BAZ1A: variants seen among roughly 807,000 people sequenced by gnomAD.
The protein encoded by BAZ1A is bromodomain adjacent to zinc finger domain 1A.
BAZ1A carries 50 observed loss-of-function variants against 185.2 expected under a neutral mutation model. The ratio of observed to expected loss-of-function variants is 0.27; its 90% CI spans 0.22 to 0.34. The LOEUF is 0.34. Ranked by LOEUF, BAZ1A falls within the 10% of genes least tolerant of loss-of-function variation. The pLI is 1.00. For missense variants in BAZ1A, 1,356 were observed against 1,839.9 expected (o/e 0.74, Z 4.81); for synonymous variants, 571 against 615.6 (o/e 0.93, Z 1.07).
Position 34,823,647 on chromosome 14 carries a change from G to A in BAZ1A, c.536+2366C>T, listed in dbSNP as rs899576627. On this transcript the variant is annotated intron_variant, in intron 4 of 26. Coordinates refer to ENST00000360310, the MANE Select transcript of BAZ1A (RefSeq NM_013448.3). Reference sequence around the variant, plus strand: ...TTGTACTCCAGCCTGGGCAACAAGAGCGAAACTCCATCTCAAAAAAAAAAT... The same window carrying A: ...TTGTACTCCAGCCTGGGCAACAAGAACGAAACTCCATCTCAAAAAAAAAAT... Among the ~76,000 whole-genome samples the A allele has an allele frequency of 5.9e-5, 9 of 151,930 alleles. No homozygotes were observed. The South Asian group carries it at 1.7e-3, about 28-fold the overall frequency.
chr14:34,832,144 G>A (rs997687468), intron 3 of BAZ1A, among the ~76,000 whole-genome samples: 1 of 148,274 alleles, frequency 6.7e-6, no homozygotes, highest in African/African-American at 2.5e-5. Flanking sequence ...CTCAGAAAAT[G>A]TAAGTATGTA....
intron 9 of BAZ1A, among the ~76,000 whole-genome samples, chr14:34,799,003 G>C (rs1881357767): frequency 6.6e-6 from 1 of 152,038 alleles, no homozygotes; most frequent in South Asian, 2.1e-4. Context: ...ATCAATGATA[G>C]ACTGAATTAA....
chr14:34,768,055 G>T (rs540332133), intron 21 of BAZ1A, among the ~76,000 whole-genome samples: 2 of 152,148 alleles, frequency 1.3e-5, no homozygotes, highest in South Asian at 4.1e-4. Flanking sequence ...CCATTTTTCT[G>T]TTGTTTCCTT....
chr14:34,782,948 A>C (rs1355484104), intron 16 of BAZ1A, among the ~76,000 whole-genome samples, 171 bp downstream of exon 16: 1 of 152,224 alleles, frequency 6.6e-6, no homozygotes. Context: ...GGGGACAGAT[A>C]AATATATTGG....
intron 2 of BAZ1A, among the ~76,000 whole-genome samples, chr14:34,864,911 G>C (rs998456040): frequency 1.2e-4 from 18 of 151,816 alleles, no homozygotes; most frequent in African/African-American, 4.4e-4. Context: ...CAAGTAGCTG[G>C]GACTAAAGGC....
At chr14:34,823,780 T>C (rs1027665228) in intron 4 of BAZ1A, among the ~76,000 whole-genome samples, 1 of 152,180 alleles carries the variant, frequency 6.6e-6, no homozygotes, top group Non-Finnish European at 1.5e-5. Flanking sequence ...TTTTTTTATC[T>C]TGAATTAAAA....
rs1196555293 is a variant in BAZ1A, at chr14:34,776,089, T to C, written c.2663A>G (p.Lys888Arg). The C allele has an allele frequency of 6.2e-7, 1 of 1,614,092 alleles. No homozygotes were observed. The highest frequency in any genetic ancestry group is 1.3e-5 in the African/African-American group (1 of 74,946). ...ACTGTAAAAGCACCACCGATTTGGC[T>C]TATGCACTGGTTTTGGCAGCTGCAC... ...HSVQLPKPVH[K>R]PNRWCFYSSC... Residue 888 changes from lysine (K) to arginine (R), a missense_variant, in exon 18 of 27, where the codon AAG becomes AGG. By Grantham distance (26) the Lys-to-Arg change is conservative. Around this residue, in one of 7 missense-constraint regions of BAZ1A, gnomAD observed 434 missense variants for 561.7 expected, o/e 0.77. Transcript: ENST00000360310.
intron 12 of BAZ1A, among the ~76,000 whole-genome samples, chr14:34,790,067 CTA>C (rs1380391442): frequency 6.6e-6 from 1 of 151,926 alleles, no homozygotes; most frequent in African/African-American, 2.4e-5. Context: ...TCTTCAGTAA[CTA>C]TGTAAAATGT....
At chr14:34,850,541 T>A (rs2042581111) in intron 3 of BAZ1A, among the ~76,000 whole-genome samples, 1 of 152,230 alleles carries the variant, frequency 6.6e-6, no homozygotes, top group Admixed American at 6.5e-5. Context: ...CTGTGGCAGT[T>A]ACTTTCCTAT....
intron 9 of BAZ1A, among the ~76,000 whole-genome samples, chr14:34,799,782 T>G (rs1469530210): frequency 6.6e-6 from 1 of 152,070 alleles, no homozygotes; most frequent in Non-Finnish European, 1.5e-5. Flanking sequence ...CGGCTAAGTT[T>G]TGTATTTTTA....
At chr14:34,758,038 C>T (rs145785787) in intron 25 of BAZ1A, among the ~76,000 whole-genome samples, 2,489 of 149,388 alleles carry the variant, frequency 0.017, 27 homozygotes, top group South Asian at 0.037. Context: ...TGAGCCACAG[C>T]GCCCGGCCAA....
rs572587654 is a variant in BAZ1A, at chr14:34,844,884, G to C, written c.392+17160C>G. Reference sequence around the variant, plus strand: ...TTCATATGGTTAAAACATTTTAAATGGTTCAAAATAAAAATCAGAAGACTA... The same window carrying C: ...TTCATATGGTTAAAACATTTTAAATCGTTCAAAATAAAAATCAGAAGACTA... On this transcript the variant is annotated intron_variant, in intron 3 of 26. Coordinates refer to ENST00000360310, the MANE Select transcript of BAZ1A (RefSeq NM_013448.3). Among the ~76,000 whole-genome samples the C allele has an allele frequency of 5.0e-4, 75 of 151,500 alleles. 1 individual carries two copies. Among genetic ancestry groups the C allele is most frequent in the African/African-American group, 1.7e-3 (71 of 41,256 alleles).
chr14:34,759,706 G>C (rs1886442986), intron 24 of BAZ1A, among the ~76,000 whole-genome samples: 1 of 151,810 alleles, frequency 6.6e-6, no homozygotes, highest in Non-Finnish European at 1.5e-5. Context: ...ACAGAGTCTT[G>C]CTTTGTCACC....
rs752045484 is a variant in BAZ1A at position 34,771,599 on chromosome 14, T to C, written c.3213A>G (p.Gln1071=). The change falls in exon 21 of 27, where the codon CAA becomes CAG. Residue 1071 remains glutamine, a synonymous_variant. Transcript: ENST00000360310. The part of the protein sequence containing the change: ...STVSTNASTP[Q]SVSSVVHYLA... ...GATAATGAACCACACTGCTCACTGA[T>C]TGTGGTGTACTTGCATTTGTTGATA... 8 of 1,613,780 alleles carry C rather than the reference T, an allele frequency of 5.0e-6. No individual in the cohort carries two copies. The highest frequency in any genetic ancestry group is 4.5e-5 in the East Asian group (2 of 44,866).
In BAZ1A at chr14:34,810,942, G is replaced by T. The variant is rs1262244204; in HGVS notation, c.631C>A (p.Gln211Lys). 3 of 1,595,068 alleles carry T rather than the reference G, an allele frequency of 1.9e-6. No homozygotes were observed. Among genetic ancestry groups the T allele is most frequent in the African/African-American group, 1.3e-5 (1 of 74,340 alleles). ...GAAGATAGTGAGTTTTACCTGATTT[G>T]TGTTGCTTTAACAATAGCAGACTCA... is the stretch of plus-strand genomic sequence containing the variant. ...LHESAIVKAT[Q>K]ISRRKHLFSR... Residue 211 changes from glutamine (Q) to lysine (K), a missense_variant, in exon 5 of 27, where the codon CAA becomes AAA. Gln to Lys is a moderately conservative substitution (Grantham distance 53). Coordinates refer to ENST00000360310, the MANE Select transcript of BAZ1A (RefSeq NM_013448.3).
Position 34,872,913 on chromosome 14 carries a change from TAAAAAA to T in BAZ1A, c.113+1573_113+1578del, listed in dbSNP as rs35955993. 1.7e-4 allele frequency among the ~76,000 whole-genome samples: 13 copies of T among 76,188 alleles called. No homozygotes were observed. The East Asian group carries it at 1.8e-3, about 10-fold the overall frequency. 50.0% of individuals were successfully genotyped at this position (76,188 alleles called of 152,430 possible). On this transcript the variant is annotated intron_variant, in intron 2 of 26. Coordinates refer to ENST00000360310, the MANE Select transcript of BAZ1A (RefSeq NM_013448.3). ...AGCAAGGCCTGTAGCTTTAAAATCC[TAAAAAA>T]AAAAAAAAAAAAAAAAAAAAAACTT...
intron 3 of BAZ1A, among the ~76,000 whole-genome samples, chr14:34,832,211 C>CATATATATATAT (rs1181710627): frequency 1.4e-4 from 9 of 65,528 alleles, no homozygotes; most frequent in African/African-American, 4.4e-4. Flanking sequence ...CACACACACA[C>CATATATATATAT]ACACATATAT....
chr14:34,846,325 G>A (rs772868198), intron 3 of BAZ1A, among the ~76,000 whole-genome samples: 4 of 152,046 alleles, frequency 2.6e-5, no homozygotes, highest in African/African-American at 4.8e-5. Flanking sequence ...GACTGCATAT[G>A]GCATCAGTGT....
Position 34,842,162 on chromosome 14 carries a change from T to G in BAZ1A, c.393-16006A>C, listed in dbSNP as rs957888238. On this transcript the variant is annotated intron_variant, in intron 3 of 26. Coordinates refer to ENST00000360310, the MANE Select transcript of BAZ1A (RefSeq NM_013448.3). ...CTGAATGGATTATATAAAATTTGCC[T>G]GTGTGTACTTTAAAGTACTAACTCA... 7.9e-5 allele frequency among the ~76,000 whole-genome samples: 12 copies of G among 152,222 alleles called. No individual in the cohort carries two copies. In the East Asian group the frequency reaches 1.2e-3, roughly 15 times the overall value.
Sources: allele counts gnomAD v4.1 joint callset (sites outside exome capture counted in the v4.1 genomes callset), GRCh38; gene constraint gnomAD v4.1.1; regional missense constraint gnomAD v4.1.1; transcripts MANE v1.5; gene names NCBI Gene and HGNC (gene_info 2026-07-23, HGNC 2026-07-21).